The following REV3L variants were observed in gnomAD, a reference collection of about 807,000 sequenced individuals.
The protein encoded by REV3L is DNA polymerase zeta catalytic subunit.
REV3L carries 69 observed loss-of-function variants against 299.4 expected under a neutral mutation model. The observed-to-expected ratio is 0.23, with a 90% CI of 0.19 to 0.28. The LOEUF is 0.28. Ranked by LOEUF, REV3L falls within the 10% of genes least tolerant of loss-of-function variation. The pLI, the probability that REV3L is intolerant of heterozygous loss-of-function variation, is 1.00. For missense variants in REV3L, 3,128 were observed against 3,693.8 expected (o/e 0.85, Z 3.97); for synonymous variants, 1,238 against 1,271.4 (o/e 0.97, Z 0.56).
chr6:111,306,000 G>A (rs1772244892), intron 31 of REV3L, among the ~76,000 whole-genome samples: 1 of 152,190 alleles, frequency 6.6e-6, no homozygotes, highest in South Asian at 2.1e-4. Flanking sequence ...GCATTAACCA[G>A]GAACTTGTTC....
intron 27 of REV3L, 127 bp from the exon 28 acceptor site, chr6:111,313,616 G>A (rs1773210752): frequency 7.7e-6 from 7 of 912,404 alleles, no homozygotes; most frequent in South Asian, 4.3e-5. Flanking sequence ...TATGACTTTG[G>A]GCCCAACAAA....
At position 111,380,049 on chromosome 6, in the gene REV3L, T is replaced by G; in HGVS notation, c.1387A>C (p.Met463Leu). The stretch of plus-strand genomic sequence containing the variant: ...TGGGACATCACCAAACTAAGCTCCA[T>G]TTCCTCTTTTTCAATCTGTGGTTCA... ...ENEPQIEKEEMELSLVMSQRW... is the reference protein window; with the variant it reads ...ENEPQIEKEELELSLVMSQRW... The change falls in exon 11 of 32, where the codon ATG (methionine) becomes CTG (leucine). Residue 463 changes from methionine (M) to leucine (L), a missense_variant. Around this residue, in one of 9 missense-constraint regions of REV3L, gnomAD observed 2,409 missense variants for 2,611.8 expected, o/e 0.92. Coordinates refer to ENST00000368802, the MANE Select transcript of REV3L (RefSeq NM_001372078.1). The G allele has an allele frequency of 6.2e-7, 1 of 1,614,026 alleles. No homozygotes were observed. The highest frequency in any genetic ancestry group is 8.5e-7 in the Non-Finnish European group (1 of 1,179,948).
At chr6:111,362,830 C>A (rs951937623) in intron 16 of REV3L, among the ~76,000 whole-genome samples, 3 of 152,190 alleles carry the variant, frequency 2.0e-5, no homozygotes, top group African/African-American at 7.2e-5. Flanking sequence ...TACTTTGAGT[C>A]AACTATGTTT....
At chr6:111,380,770 G>A (rs150768509) in intron 10 of REV3L, among the ~76,000 whole-genome samples, 1 of 152,350 alleles carries the variant, frequency 6.6e-6, no homozygotes, top group Non-Finnish European at 1.5e-5. Context: ...GGCTGCCTGG[G>A]ACTGCACAGG....
chr6:111,474,988 T>TATACACAC (rs151075609), intron 1 of REV3L, among the ~76,000 whole-genome samples: 7,573 of 145,790 alleles, frequency 0.052, 279 homozygotes, highest in African/African-American at 0.11. Flanking sequence ...TGCCTATATA[T>TATACACAC]ACACACACAC....
intron 3 of REV3L, among the ~76,000 whole-genome samples, chr6:111,405,885 T>A (rs1289546683): frequency 6.6e-6 from 1 of 152,042 alleles, no homozygotes; most frequent in East Asian, 1.9e-4. Flanking sequence ...CTAACTATAT[T>A]TAAAAATTAA....
chr6:111,338,312 C>CTTTTTTTTTT (rs144497761), intron 21 of REV3L, among the ~76,000 whole-genome samples: 10 of 47,938 alleles, frequency 2.1e-4, no homozygotes, highest in East Asian at 1.2e-3. Context: ...GTCTAAAGTC[C>CTTTTTTTTTT]TTTTTTTTTT....
rs1384561127 is a variant in REV3L at position 111,299,909 on chromosome 6, A to G, written c.*107T>C. 9.2e-6 allele frequency: 10 copies of G among 1,090,118 alleles called. No homozygotes were observed. In the East Asian group the frequency reaches 2.3e-4, roughly 25 times the overall value. 67.5% of individuals were successfully genotyped at this position (1,090,118 alleles called of 1,614,324 possible). A position where few individuals can be genotyped will look rare whatever the true frequency, so the allele number is the denominator to read the frequency against. Reference sequence around the variant, plus strand: ...GAAGTCTTCATAGTCTTCAGATAACAGACAGTGAACATCCTTGACTCGATG... The same window carrying G: ...GAAGTCTTCATAGTCTTCAGATAACGGACAGTGAACATCCTTGACTCGATG... On this transcript the variant is annotated 3_prime_UTR_variant, in exon 32 of 32. Coordinates refer to ENST00000368802, the MANE Select transcript of REV3L (RefSeq NM_001372078.1).
Position 111,483,001 on chromosome 6 carries a change from C to G in REV3L, c.-113G>C, listed in dbSNP as rs1228586023. The G allele has an allele frequency of 7.8e-7, 1 of 1,276,548 alleles. No individual in the cohort carries two copies. The highest frequency in any genetic ancestry group is 1.0e-6 in the Non-Finnish European group (1 of 982,948). 79.1% of individuals were successfully genotyped at this position (1,276,548 alleles called of 1,614,324 possible). A position where few individuals can be genotyped will look rare whatever the true frequency, so the allele number is the denominator to read the frequency against. On this transcript the variant is annotated 5_prime_UTR_variant, in exon 1 of 32. Transcript: ENST00000368802. Reference sequence around the variant, plus strand: ...CGCCCCCTCCCCTTCTCGGCACGGCCCCCTCCCCTCACACAGAGGCACCTC... The same window carrying G: ...CGCCCCCTCCCCTTCTCGGCACGGCGCCCTCCCCTCACACAGAGGCACCTC...
At chr6:111,330,147 A>T (rs1775243881) in intron 24 of REV3L, 12 of 361,430 alleles carry the variant, frequency 3.3e-5, no homozygotes, top group South Asian at 2.5e-4. Context: ...CATCCTAATG[A>T]CCCCACACAG....
At chr6:111,337,723 A>G (rs2114866082) in intron 21 of REV3L, among the ~76,000 whole-genome samples, 1 of 152,320 alleles carries the variant, frequency 6.6e-6, no homozygotes, top group Non-Finnish European at 1.5e-5. Flanking sequence ...GATACATTTT[A>G]ATCTGCATTG....
At chr6:111,438,019 T>A (rs913305618) in intron 1 of REV3L, among the ~76,000 whole-genome samples, 4 of 151,148 alleles carry the variant, frequency 2.6e-5, no homozygotes, top group Non-Finnish European at 4.4e-5. Context: ...GCCTAATTTT[T>A]TTTTTTTTAT....
chr6:111,440,021 G>A (rs1788061762), intron 1 of REV3L, among the ~76,000 whole-genome samples: 1 of 152,044 alleles, frequency 6.6e-6, no homozygotes, highest in African/African-American at 2.4e-5. Flanking sequence ...ACAACCCATA[G>A]GATGCAGAAA....
intron 1 of REV3L, among the ~76,000 whole-genome samples, chr6:111,442,105 T>C (rs1481105570): frequency 6.6e-6 from 1 of 152,218 alleles, no homozygotes; most frequent in African/African-American, 2.4e-5. Flanking sequence ...TGTGACCTTG[T>C]AAACAATGTG....
At chr6:111,429,862 C>T (rs1034776506) in intron 1 of REV3L, among the ~76,000 whole-genome samples, 5 of 152,078 alleles carry the variant, frequency 3.3e-5, no homozygotes, top group African/African-American at 1.2e-4. Context: ...CGGACAAACA[C>T]CTCTACCAGG....
At chr6:111,420,678 CAA>C (rs1428752674) in intron 1 of REV3L, among the ~76,000 whole-genome samples, 1 of 152,146 alleles carries the variant, frequency 6.6e-6, no homozygotes, top group Non-Finnish European at 1.5e-5. Context: ...TCAGAAGCTG[CAA>C]AAGTTATTTT....
At position 111,402,769 on chromosome 6, in the gene REV3L, G is replaced by A. The variant is rs559949132; in HGVS notation, c.565+2701C>T. Among the ~76,000 whole-genome samples the A allele has an allele frequency of 4.6e-5, 7 of 151,868 alleles. No homozygotes were observed. The South Asian group carries it at 1.5e-3, about 32-fold the overall frequency. ...CAAGAAGGTTGACAGTGATGGAAAA[G>A]AAAAAAAATTATGGCAGTTAGAAAG... is the stretch of plus-strand genomic sequence containing the variant. On this transcript the variant is annotated intron_variant, in intron 4 of 31. Coordinates refer to ENST00000368802, the MANE Select transcript of REV3L (RefSeq NM_001372078.1).
intron 24 of REV3L, among the ~76,000 whole-genome samples, chr6:111,330,700 T>C (rs1243865597): frequency 6.6e-6 from 1 of 152,190 alleles, no homozygotes; most frequent in East Asian, 1.9e-4. Context: ...CATAATGTTT[T>C]AAGACATAAG....
chr6:111,376,251 A>G lies in REV3L; in HGVS notation c.2104T>C (p.Leu702=). ...HMHRHPNENT[L]GKNSFNFSDL... ...GAAAAGTTGAAAGAATTTTTGCCCA[A>G]TGTATTCTCGTTAGGGTGACGGTGC... is the stretch of plus-strand genomic sequence containing the variant. The change falls in exon 13 of 32, where the codon TTG becomes CTG. Residue 702 remains leucine, a synonymous_variant. Coordinates refer to ENST00000368802, the MANE Select transcript of REV3L (RefSeq NM_001372078.1). 3 of 1,613,836 alleles carry G rather than the reference A, an allele frequency of 1.9e-6. No homozygotes were observed. The highest frequency in any genetic ancestry group is 2.5e-6 in the Non-Finnish European group (3 of 1,179,904).
Sources: allele counts gnomAD v4.1 joint callset (sites outside exome capture counted in the v4.1 genomes callset), GRCh38; gene constraint gnomAD v4.1.1; regional missense constraint gnomAD v4.1.1; transcripts MANE v1.5; gene names NCBI Gene and HGNC (gene_info 2026-07-23, HGNC 2026-07-21).